Variants in SMAD1 observed in about 807,000 individuals in gnomAD.
SMAD1 encodes SMAD family member 1, also known as MAD, mothers against decapentaplegic homolog 1.
SMAD1 carries 6 observed loss-of-function variants against 41.6 expected under a neutral mutation model. The observed-to-expected ratio is 0.14, with a 90% confidence interval of 0.08 to 0.28. The LOEUF (loss-of-function observed/expected upper bound fraction) is 0.28, where lower values mean the gene tolerates loss of function less well. Among genes scored for constraint, SMAD1 ranks in the 10% least tolerant of loss-of-function variants. The pLI, the probability that SMAD1 is intolerant of heterozygous loss-of-function variation, is 1.00. For missense variants in SMAD1, 379 were observed against 582.6 expected (o/e 0.65, Z 3.60); for synonymous variants, 206 against 203.2 (o/e 1.01, Z -0.12).
intron 2 of SMAD1, among the ~76,000 whole-genome samples, chr4:145,521,562 C>T (rs908642019): frequency 6.6e-6 from 1 of 152,076 alleles, no homozygotes; most frequent in Non-Finnish European, 1.5e-5. Context: ...TCTTTGGCTG[C>T]CTCAGTCACT....
intron 4 of SMAD1, 23 bp from the exon 5 acceptor site, chr4:145,546,680 A>G: frequency 3.8e-6 from 6 of 1,569,094 alleles, no homozygotes; most frequent in South Asian, 1.1e-5. Context: ...ACCTTGGTTG[A>G]TATAACATTT....
intron 1 of SMAD1, among the ~76,000 whole-genome samples, chr4:145,486,462 A>G (rs931407482): frequency 1.3e-5 from 2 of 152,152 alleles, no homozygotes; most frequent in Non-Finnish European, 2.9e-5. Context: ...TTCATTGGGG[A>G]TTTTTAAAAA....
rs1225578904 is a variant in SMAD1 at position 145,482,230 on chromosome 4, C to A, written c.-177+192C>A. ...TGCGCGGGGCGGGCCGCGACCCCCC[C>A]CCCCCATGATGGCGCCTCCCGTCTG... On this transcript the variant is annotated intron_variant, in intron 1 of 6. Transcript: ENST00000302085. This position sits in a 1 kb window ranked among gnomAD's most constrained non-coding sequence, Gnocchi z 4.2. Among the ~76,000 whole-genome samples the A allele has an allele frequency of 7.3e-5, 11 of 150,276 alleles. No individual in the cohort carries two copies. Among genetic ancestry groups the A allele is most frequent in the Non-Finnish European group, 1.4e-4 (9 of 66,656 alleles).
chr4:145,520,771 T>A (rs1004903844), intron 2 of SMAD1, among the ~76,000 whole-genome samples: 18 of 152,182 alleles, frequency 1.2e-4, no homozygotes, highest in African/African-American at 4.1e-4. Flanking sequence ...ACTATCTCTA[T>A]CTCTTTGACA....
Position 145,540,057 on chromosome 4 carries a change from G to A in SMAD1, c.654G>A (p.Met218Ile), listed in dbSNP as rs765870228. ...TSSDPGSPFQ[M>I]PADTPPPAYL... ...CAGACCCAGGAAGCCCTTTCCAGAT[G>A]CCAGGTAGGTTGGAATGTTCAGTGA... The change falls in exon 3 of 7, where the codon ATG becomes ATA. Residue 218 changes from methionine (M) to isoleucine (I), a missense_variant. By Grantham distance (10) the Met-to-Ile change is conservative (BLOSUM62 1). This residue lies in a region of SMAD1 where 208 missense variants were observed against 210.5 expected (regional missense o/e 0.99). Transcript: ENST00000302085. The A allele has an allele frequency of 1.9e-6, 3 of 1,614,032 alleles. No homozygotes were observed. Among genetic ancestry groups the A allele is most frequent in the South Asian group, 1.1e-5 (1 of 91,078 alleles).
chr4:145,515,117 A>T (rs1730300246), intron 2 of SMAD1, 104 bp downstream of exon 2: 3 of 1,190,112 alleles, frequency 2.5e-6, no homozygotes, highest in African/African-American at 1.5e-5. Context: ...GTTGTAATTT[A>T]AAAATATTTG....
At position 145,539,683 on chromosome 4, in the gene SMAD1, C is replaced by T. The variant is rs547661866; in HGVS notation, c.401-121C>T. 19 of 935,918 alleles carry T rather than the reference C, an allele frequency of 2.0e-5. 1 individual carries two copies. In the Admixed American group the frequency reaches 4.5e-4, roughly 22 times the overall value. 58.0% of individuals were successfully genotyped at this position (935,918 alleles called of 1,614,324 possible). Reference sequence around the variant, plus strand: ...CATTTGAATGATGCTTTTGAGTTGGCAGCAGGACAGGGATCAGATAATTTG... The same window carrying T: ...CATTTGAATGATGCTTTTGAGTTGGTAGCAGGACAGGGATCAGATAATTTG... On this transcript the variant is annotated intron_variant, in intron 2 of 6. Transcript: ENST00000302085.
Position 145,528,316 on chromosome 4 carries a change from G to A in SMAD1, c.401-11488G>A, listed in dbSNP as rs541006147. ...GTCAGGGATTCACTATGTTGGCCAG[G>A]CTGGTCTCGAACTCCTAATCTTGTG... On this transcript the variant is annotated intron_variant, in intron 2 of 6. Transcript: ENST00000302085. Among the ~76,000 whole-genome samples, 18 of 152,128 alleles carry A rather than the reference G, an allele frequency of 1.2e-4. No homozygotes were observed. The South Asian group carries it at 2.3e-3, about 19-fold the overall frequency.
chr4:145,534,775 G>A (rs747251378), intron 2 of SMAD1, among the ~76,000 whole-genome samples: 1 of 152,162 alleles, frequency 6.6e-6, no homozygotes, highest in African/African-American at 2.4e-5. Context: ...AGGGATCACA[G>A]AGCTAAATAA....
chr4:145,496,427 C>T (rs1729077822), intron 1 of SMAD1, among the ~76,000 whole-genome samples: 1 of 152,016 alleles, frequency 6.6e-6, no homozygotes, highest in Non-Finnish European at 1.5e-5. Context: ...TTAAAGTGCT[C>T]AAAACAGTGC....
chr4:145,545,016 C>G (rs760704871), intron 4 of SMAD1: 2 of 151,514 alleles, frequency 1.3e-5, no homozygotes, highest in Non-Finnish European at 1.5e-5. Flanking sequence ...AATATTTTCA[C>G]GAGGAAGGAA....
intron 3 of SMAD1, 92 bp from the exon 4 acceptor site, chr4:145,542,490 T>C: frequency 1.5e-6 from 1 of 671,920 alleles, no homozygotes; most frequent in Middle Eastern, 3.0e-4. Flanking sequence ...GACAACTTGA[T>C]CTCTTGAGAA....
chr4:145,495,616 C>CT (rs58468364), intron 1 of SMAD1, among the ~76,000 whole-genome samples: 5,818 of 127,034 alleles, frequency 0.046, 466 homozygotes, highest in African/African-American at 0.16. Context: ...AATTAATTTC[C>CT]TTTTTTTTTT....
rs902714919 is a variant in SMAD1 at position 145,514,302 on chromosome 4, T to C, written c.-176-136T>C. 2.8e-5 allele frequency: 6 copies of C among 212,022 alleles called. No individual in the cohort carries two copies. Among genetic ancestry groups the C allele is most frequent in the Non-Finnish European group, 5.5e-5 (6 of 108,168 alleles). The allele number at this position is 212,022 out of a possible 1,614,324, so 13.1% of individuals were successfully genotyped here. ...GAGTTAGGGCTTCCGCATATGAATT[T>C]TAGGGGTCACAATTCAGTCCACAGC... On this transcript the variant is annotated intron_variant, in intron 1 of 6. Coordinates refer to ENST00000302085, the MANE Select transcript of SMAD1 (RefSeq NM_005900.3). The surrounding 1 kb of genome is among the most constrained non-coding windows in gnomAD (Gnocchi z 4.7).
rs1732934144 is a variant in SMAD1 at position 145,557,891 on chromosome 4, C to T, written c.1355C>T (p.Thr452Ile). 2 of 1,612,518 alleles carry T rather than the reference C, an allele frequency of 1.2e-6. No individual in the cohort carries two copies. Among genetic ancestry groups the T allele is most frequent in the Non-Finnish European group, 1.7e-6 (2 of 1,178,944 alleles). Residue 452 changes from threonine to isoleucine, a missense_variant, in exon 7 of 7, where the codon ACT becomes ATT. Thr to Ile is a moderately conservative substitution (Grantham distance 89, BLOSUM62 -1). This residue lies in a region of SMAD1 where 107 missense variants were observed against 218.3 expected (regional missense o/e 0.49). Transcript: ENST00000302085. Reference protein sequence around the residue: ...GPLQWLDKVLTQMGSPHNPIS... With the variant: ...GPLQWLDKVLIQMGSPHNPIS... Reference sequence around the variant, plus strand: ...CTCCAGTGGCTGGATAAAGTTCTTACTCAAATGGGTTCACCTCATAATCCT... The same window carrying T: ...CTCCAGTGGCTGGATAAAGTTCTTATTCAAATGGGTTCACCTCATAATCCT...
intron 2 of SMAD1, among the ~76,000 whole-genome samples, chr4:145,535,231 C>T (rs2126496344): frequency 6.6e-6 from 1 of 152,262 alleles, no homozygotes; most frequent in East Asian, 1.9e-4. Flanking sequence ...GAAAAAGGCA[C>T]TCCTATGTGA....
intron 1 of SMAD1, among the ~76,000 whole-genome samples, chr4:145,486,560 C>T (rs1169582785): frequency 6.6e-6 from 1 of 152,114 alleles, no homozygotes; most frequent in Non-Finnish European, 1.5e-5. Context: ...TCTTCTTATT[C>T]CCACCTTCCT....
In SMAD1 at chr4:145,510,476, C is replaced by T. The variant is rs1454591294; in HGVS notation, c.-176-3962C>T. Among the ~76,000 whole-genome samples, 4 of 152,116 alleles carry T rather than the reference C, an allele frequency of 2.6e-5. No homozygotes were observed. In the East Asian group the frequency reaches 7.7e-4, roughly 29 times the overall value. On this transcript the variant is annotated intron_variant, in intron 1 of 6. Coordinates refer to ENST00000302085, the MANE Select transcript of SMAD1 (RefSeq NM_005900.3). ...ACAATCATTCAGTTAAAAATATTTTCTATTTCCTCTATAATTTCTTCTTTG... is the reference window on the plus strand; with the variant it reads ...ACAATCATTCAGTTAAAAATATTTTTTATTTCCTCTATAATTTCTTCTTTG...
chr4:145,535,498 A>T (rs1731561094), intron 2 of SMAD1, among the ~76,000 whole-genome samples: 1 of 152,192 alleles, frequency 6.6e-6, no homozygotes, highest in Admixed American at 6.5e-5. Context: ...CATGAGGAAG[A>T]CCTCTGTGCA....
Sources: gnomAD v4.1 joint callset for allele counts (sites outside exome capture counted in the v4.1 genomes callset) on GRCh38, gnomAD v4.1.1 for gene constraint, gnomAD v4.1.1 regional missense constraint, Gnocchi (gnomAD v3.1) non-coding constraint, MANE v1.5 for transcripts, NCBI Gene and HGNC (gene_info 2026-07-23, HGNC 2026-07-21) for gene names.